Variants in RUFY1 observed in about 807,000 individuals in gnomAD.
RUFY1 encodes the protein RUN and FYVE domain containing 1.
In RUFY1, 54 loss-of-function variants were observed where a neutral mutation model predicts 94.6. That is an observed-to-expected ratio of 0.57 (90% CI 0.46 to 0.72). RUFY1 has a LOEUF of 0.72. Ranked by LOEUF, RUFY1 falls within the 30% of genes least tolerant of loss-of-function variation. RUFY1 has a pLI of 0.00. For missense variants in RUFY1, 883 were observed against 883.9 expected, an observed-to-expected ratio of 1.00 and a Z score of 0.01; for synonymous variants, 396 against 347.3, an observed-to-expected ratio of 1.14 and a Z score of -1.56.
At chr5:179,562,700 T>A (rs750078501) in intron 3 of RUFY1, 36 bp downstream of exon 3, 6 of 1,097,892 alleles carry the variant, frequency 5.5e-6, no homozygotes, top group Non-Finnish European at 7.0e-6. Context: ...TTGATGATTT[T>A]AAAAACTCCC....
At chr5:179,580,247 T>A (rs867137064) in intron 6 of RUFY1, among the ~76,000 whole-genome samples, 4,302 of 46,516 alleles carry the variant, frequency 0.092, 160 homozygotes, top group African/African-American at 0.17. Flanking sequence ...GTGTGTATAT[T>A]TTTTTTTTTT....
intron 15 of RUFY1, among the ~76,000 whole-genome samples, chr5:179,603,950 A>G (rs1381799580): frequency 2.0e-5 from 3 of 152,088 alleles, no homozygotes; most frequent in Non-Finnish European, 4.4e-5. Flanking sequence ...CCAGCTACTC[A>G]GGAGGCTGAG....
At chr5:179,583,848 C>T (rs1001898953) in intron 7 of RUFY1, among the ~76,000 whole-genome samples, 2 of 151,956 alleles carry the variant, frequency 1.3e-5, no homozygotes, top group African/African-American at 4.8e-5. Context: ...CTCCCAGGTT[C>T]ACGCCATTCT....
intron 6 of RUFY1, among the ~76,000 whole-genome samples, chr5:179,580,239 G>GTGTGTGTA (rs1554118948): frequency 2.0e-5 from 1 of 51,264 alleles, no homozygotes; most frequent in Non-Finnish European, 4.7e-5. Context: ...GTGTGTGTGT[G>GTGTGTGTA]TGTATATTTT....
At chr5:179,571,693 C>T (rs1763237691) in intron 5 of RUFY1, among the ~76,000 whole-genome samples, 1 of 152,164 alleles carries the variant, frequency 6.6e-6, no homozygotes, top group Non-Finnish European at 1.5e-5. Context: ...TGGGAGAGAA[C>T]ACATTTCCTC....
chr5:179,609,234 T>A, intron 17 of RUFY1, 142 bp from the exon 18 acceptor site: 1 of 730,332 alleles, frequency 1.4e-6, no homozygotes, highest in Non-Finnish European at 2.1e-6. Flanking sequence ...AAGACCCTTG[T>A]TTGCACACAG....
chr5:179,608,508 T>G, intron 17 of RUFY1: 1 of 985,544 alleles, frequency 1.0e-6, no homozygotes, highest in African/African-American at 1.7e-5. Flanking sequence ...GGAACCTGTT[T>G]AGAAAGGGAT....
At chr5:179,568,678 T>C (rs1338076211) in intron 4 of RUFY1, among the ~76,000 whole-genome samples, 2 of 152,186 alleles carry the variant, frequency 1.3e-5, no homozygotes, top group Non-Finnish European at 2.9e-5. Context: ...GAAATCAGGG[T>C]AATTACCATA....
At chr5:179,556,291 T>C (rs1234117824) in intron 1 of RUFY1, among the ~76,000 whole-genome samples, 1 of 152,146 alleles carries the variant, frequency 6.6e-6, no homozygotes, top group African/African-American at 2.4e-5. Context: ...GATTTGTATG[T>C]TTTTAAAAGT....
At chr5:179,584,520 A>G (rs896534852) in intron 7 of RUFY1, among the ~76,000 whole-genome samples, 26 of 152,198 alleles carry the variant, frequency 1.7e-4, no homozygotes, top group African/African-American at 5.8e-4. Context: ...AGCTCATGCC[A>G]GTAATCTCAG....
chr5:179,600,641 A>C (rs1164418506), intron 14 of RUFY1, among the ~76,000 whole-genome samples: 1 of 151,964 alleles, frequency 6.6e-6, no homozygotes, highest in African/African-American at 2.4e-5. Flanking sequence ...TCTTTTAAAA[A>C]GAAGCTCAAA....
At chr5:179,590,011 T>C (rs1010827968) in intron 9 of RUFY1, among the ~76,000 whole-genome samples, 2 of 152,148 alleles carry the variant, frequency 1.3e-5, no homozygotes, top group African/African-American at 4.8e-5. Flanking sequence ...CTTTGCTGTT[T>C]TGTAGAATTG....
Position 179,578,695 on chromosome 5 carries a change from G to A in RUFY1, c.890+1559G>A, listed in dbSNP as rs532108116. Among the ~76,000 whole-genome samples the A allele has an allele frequency of 3.3e-5, 5 of 152,244 alleles. No homozygotes were observed. In the South Asian group the frequency reaches 1.0e-3, roughly 32 times the overall value. ...TTTCGCTCTTGTTGACCAGGCTAGAGTGCAGTGGCACGATCTTGGCTCACC... is the reference window on the plus strand; with the variant it reads ...TTTCGCTCTTGTTGACCAGGCTAGAATGCAGTGGCACGATCTTGGCTCACC... On this transcript the variant is annotated intron_variant, in intron 6 of 17. Transcript: ENST00000319449.
intron 9 of RUFY1, 142 bp downstream of exon 9, chr5:179,589,789 G>T (rs1764891271): frequency 1.5e-6 from 1 of 688,634 alleles, no homozygotes; most frequent in Non-Finnish European, 2.6e-6. Context: ...TCTCACTGCG[G>T]TCCCTGCCCA....
intron 3 of RUFY1, among the ~76,000 whole-genome samples, chr5:179,565,421 C>T (rs1447799759): frequency 6.6e-6 from 1 of 152,066 alleles, no homozygotes; most frequent in East Asian, 1.9e-4. Flanking sequence ...TCAGGTGATC[C>T]ACCCCACTTG....
intron 12 of RUFY1, 122 bp from the exon 13 acceptor site, chr5:179,596,440 T>A: frequency 1.6e-6 from 2 of 1,282,096 alleles, no homozygotes; most frequent in South Asian, 2.4e-5. Flanking sequence ...TCTCCACGTG[T>A]TAAAACTCAC....
chr5:179,608,348 C>A, intron 17 of RUFY1: 1 of 985,780 alleles, frequency 1.0e-6, no homozygotes, highest in African/African-American at 1.7e-5. Context: ...GAGTTTCAGG[C>A]AGTGCCTTGC....
rs61062422 is a variant in RUFY1 at position 179,579,657 on chromosome 5, CTTT to C, written c.891-1270_891-1268del. Among the ~76,000 whole-genome samples the C allele has an allele frequency of 8.1e-3, 409 of 50,528 alleles. 3 individuals carry two copies. Among genetic ancestry groups the C allele is most frequent in the East Asian group, 0.034 (28 of 828 alleles). The allele number at this position is 50,528 out of a possible 152,430, so 33.1% of individuals were successfully genotyped here. A position where few individuals can be genotyped will look rare whatever the true frequency, so the allele number is the denominator to read the frequency against. On this transcript the variant is annotated intron_variant, in intron 6 of 17. Coordinates refer to ENST00000319449, the MANE Select transcript of RUFY1 (RefSeq NM_025158.5). ...TAACAAAATATACCCTTTTCTTCTT[CTTT>C]TTTTTTTTTTTTTTTTTTTGAGATG...
chr5:179,558,092 A>G lies in RUFY1; in HGVS notation c.311-1933A>G, dbSNP rs191646334. Among the ~76,000 whole-genome samples, 189 of 152,296 alleles carry G rather than the reference A, an allele frequency of 1.2e-3. No homozygotes were observed. In the Middle Eastern group the frequency reaches 0.014, roughly 11 times the overall value. On this transcript the variant is annotated intron_variant, in intron 1 of 17. Coordinates refer to ENST00000319449, the MANE Select transcript of RUFY1 (RefSeq NM_025158.5). ...TGTATTCCAATTTCAAGACCACTAG[A>G]TGATAGAACTGGGCTTGGTGTCTTC...
Sources: gnomAD v4.1 joint callset for allele counts (sites outside exome capture counted in the v4.1 genomes callset) on GRCh38, gnomAD v4.1.1 for gene constraint, MANE v1.5 for transcripts, NCBI Gene and HGNC (gene_info 2026-07-23, HGNC 2026-07-21) for gene names.